The following SGCZ variants were observed in gnomAD, a reference collection of about 807,000 sequenced individuals.
SGCZ encodes the protein zeta-sarcoglycan.
A neutral mutation model predicts 41.3 loss-of-function variants in SGCZ; 40 were observed. That is an observed-to-expected ratio of 0.97 (90% CI 0.75 to 1.26). The LOEUF is 1.26. Ranked by LOEUF, SGCZ falls within the 50% of genes most tolerant of loss-of-function variation. The pLI, the probability that SGCZ is intolerant of heterozygous loss-of-function variation, is 0.00. For missense variants in SGCZ, 552 were observed against 369.8 expected, an observed-to-expected ratio of 1.49 and a Z score of -4.04; for synonymous variants, 206 against 137.5, an observed-to-expected ratio of 1.50 and a Z score of -3.49.
Position 15,091,341 on chromosome 8 carries a change from A to C in SGCZ, c.39+146244T>G, listed in dbSNP as rs560484748. Among the ~76,000 whole-genome samples, 3 of 152,334 alleles carry C rather than the reference A, an allele frequency of 2.0e-5. No homozygotes were observed. In the East Asian group the frequency reaches 5.8e-4, roughly 29 times the overall value. On this transcript the variant is annotated intron_variant, in intron 1 of 7. Coordinates refer to ENST00000382080, the MANE Select transcript of SGCZ (RefSeq NM_139167.4). ...GGCTCAACAAACTTTTGACTAAGAT[A>C]ATTCAATTAAACCAAGACTTTTCTT...
At chr8:14,376,125 A>G (rs527713162) in intron 2 of SGCZ, among the ~76,000 whole-genome samples, 1 of 152,224 alleles carries the variant, frequency 6.6e-6, no homozygotes, top group South Asian at 2.1e-4. Context: ...CAGACTGGCC[A>G]AGATGGTGAA....
intron 2 of SGCZ, among the ~76,000 whole-genome samples, chr8:14,501,293 G>A (rs897160547): frequency 6.6e-6 from 1 of 151,834 alleles, no homozygotes; most frequent in African/African-American, 2.4e-5. Context: ...TTCTCTAAAT[G>A]TCATCAGATT....
At chr8:14,804,421 C>A (rs1302417134) in intron 1 of SGCZ, among the ~76,000 whole-genome samples, 3 of 138,730 alleles carry the variant, frequency 2.2e-5, no homozygotes, top group East Asian at 2.4e-4. Context: ...CTCGAGAACT[C>A]CGTGAAGAAC....
At chr8:15,097,861 T>TGTATATATATATATACAC (rs1563124008) in intron 1 of SGCZ, among the ~76,000 whole-genome samples, 35 of 16,970 alleles carry the variant, frequency 2.1e-3, no homozygotes, top group African/African-American at 9.4e-3. Context: ...TATATACGTG[T>TGTATATATATATATACAC]GTGTGTATAT....
intron 3 of SGCZ, among the ~76,000 whole-genome samples, chr8:14,317,687 G>C (rs1405933844): frequency 6.6e-6 from 1 of 151,880 alleles, no homozygotes; most frequent in Non-Finnish European, 1.5e-5. Flanking sequence ...AAAGAAATGA[G>C]AGAAGAGCCA....
At chr8:15,164,773 T>C (rs117006557) in intron 1 of SGCZ, among the ~76,000 whole-genome samples, 8,273 of 152,162 alleles carry the variant, frequency 0.054, 314 homozygotes, top group Middle Eastern at 0.14. Context: ...TCTGGTGTGC[T>C]TTGCATGTCT....
intron 2 of SGCZ, among the ~76,000 whole-genome samples, chr8:14,518,069 T>C (rs1457479434): frequency 6.6e-6 from 1 of 151,902 alleles, no homozygotes; most frequent in Non-Finnish European, 1.5e-5. Context: ...ATAAGGTTAT[T>C]GTTAATGAAA....
intron 1 of SGCZ, among the ~76,000 whole-genome samples, chr8:15,171,491 C>T (rs1454616549): frequency 6.6e-6 from 1 of 152,218 alleles, no homozygotes; most frequent in Non-Finnish European, 1.5e-5. Context: ...ACCAGCCCTT[C>T]AGAGTCCCTG....
chr8:15,234,075 G>A (rs1802046672), intron 1 of SGCZ, among the ~76,000 whole-genome samples: 1 of 152,156 alleles, frequency 6.6e-6, no homozygotes, highest in Non-Finnish European at 1.5e-5. Flanking sequence ...TATTATAACT[G>A]TTTATTCAGC....
intron 1 of SGCZ, among the ~76,000 whole-genome samples, chr8:15,038,233 G>A (rs1204905077): frequency 6.6e-6 from 1 of 152,064 alleles, no homozygotes; most frequent in Non-Finnish European, 1.5e-5. Context: ...AATCAAAACA[G>A]CATGGTAGTG....
At chr8:14,805,126 T>A (rs1315527669) in intron 1 of SGCZ, among the ~76,000 whole-genome samples, 15 of 112,708 alleles carry the variant, frequency 1.3e-4, no homozygotes, top group Non-Finnish European at 1.8e-5. Context: ...TGCAAAATCA[T>A]GCCAAAATGT....
chr8:14,430,599 G>A (rs1585501361), intron 2 of SGCZ, among the ~76,000 whole-genome samples: 1 of 152,006 alleles, frequency 6.6e-6, no homozygotes, highest in South Asian at 2.1e-4. Flanking sequence ...TACGGAATGG[G>A]GAAAAGTTGA....
chr8:14,440,824 T>TATGTGTATACACATGC (rs1800237742), intron 2 of SGCZ, among the ~76,000 whole-genome samples: 1 of 133,302 alleles, frequency 7.5e-6, no homozygotes, highest in African/African-American at 3.7e-5. Context: ...CACATGCATA[T>TATGTGTATACACATGC]ATACATACAT....
At chr8:15,068,050 G>A (rs751813969) in intron 1 of SGCZ, among the ~76,000 whole-genome samples, 1 of 152,178 alleles carries the variant, frequency 6.6e-6, no homozygotes, top group African/African-American at 2.4e-5. Context: ...TAGAGTGGTT[G>A]GGTCATAGGA....
intron 1 of SGCZ, among the ~76,000 whole-genome samples, chr8:14,576,981 T>C (rs1447559201): frequency 6.6e-6 from 1 of 152,196 alleles, no homozygotes; most frequent in Non-Finnish European, 1.5e-5. Flanking sequence ...TTCATGAAAA[T>C]AAGTTATGAG....
At position 14,729,632 on chromosome 8, in the gene SGCZ, C is replaced by G. The variant is rs559401064; in HGVS notation, c.40-174706G>C. 1.8e-4 allele frequency among the ~76,000 whole-genome samples: 26 copies of G among 145,746 alleles called. 1 individual carries two copies. In the East Asian group the frequency reaches 4.5e-3, roughly 25 times the overall value. On this transcript the variant is annotated intron_variant, in intron 1 of 7. Transcript: ENST00000382080. ...CACCTTGATCTTGCACTTACAGCAT[C>G]CAGAGCGTTAAAAATCAATCAATCA...
chr8:14,688,064 G>C (rs1233336872), intron 1 of SGCZ, among the ~76,000 whole-genome samples: 5 of 152,048 alleles, frequency 3.3e-5, no homozygotes, highest in Admixed American at 2.6e-4. Flanking sequence ...TTGTAAATTT[G>C]TTTGAGTCCA....
chr8:14,865,467 A>T (rs1803896287), intron 1 of SGCZ, among the ~76,000 whole-genome samples: 1 of 152,072 alleles, frequency 6.6e-6, no homozygotes, highest in Admixed American at 6.6e-5. Flanking sequence ...CCTGTGAATG[A>T]ATCAATCTCT....
intron 1 of SGCZ, among the ~76,000 whole-genome samples, chr8:14,949,198 T>C (rs1800550125): frequency 6.6e-6 from 1 of 152,276 alleles, no homozygotes; most frequent in African/African-American, 2.4e-5. Flanking sequence ...TGTTTTCACA[T>C]TTCTCTTTAA....
Sources: gnomAD v4.1 joint callset for allele counts (sites outside exome capture counted in the v4.1 genomes callset) on GRCh38, gnomAD v4.1.1 for gene constraint, MANE v1.5 for transcripts, NCBI Gene and HGNC (gene_info 2026-07-23, HGNC 2026-07-21) for gene names.